CSMD1: variants seen among roughly 807,000 people sequenced by gnomAD.
CSMD1 encodes the protein CUB and sushi domain-containing protein 1.
A neutral mutation model predicts 417.5 loss-of-function variants in CSMD1; 213 were observed. The observed-to-expected ratio is 0.51, with a 90% confidence interval of 0.46 to 0.57. CSMD1 has a LOEUF of 0.57. Among genes scored for constraint, CSMD1 ranks in the 20% least tolerant of loss-of-function variants. The pLI is 0.00. For missense variants in CSMD1, 6,923 were observed against 4,529.7 expected (o/e 1.53, Z -15.17); for synonymous variants, 2,862 against 1,736.8 (o/e 1.65, Z -16.11).
chr8:3,489,551 C>G (rs1818251809), intron 11 of CSMD1, among the ~76,000 whole-genome samples: 3 of 152,160 alleles, frequency 2.0e-5, no homozygotes, highest in Admixed American at 6.5e-5. Context: ...GGAAAGAACT[C>G]AACAGACATT....
intron 2 of CSMD1, among the ~76,000 whole-genome samples, chr8:4,504,888 G>T (rs1414955686): frequency 6.6e-6 from 1 of 152,152 alleles, no homozygotes; most frequent in Non-Finnish European, 1.5e-5. Context: ...GTCATTGATG[G>T]GCATTTGGGT....
intron 26 of CSMD1, among the ~76,000 whole-genome samples, chr8:3,276,057 G>C (rs527636681): frequency 1.4e-4 from 22 of 152,266 alleles, no homozygotes; most frequent in African/African-American, 5.1e-4. Context: ...CATCTTTGTG[G>C]TTTTATCTAC....
chr8:4,578,100 T>C (rs1240245855), intron 2 of CSMD1, among the ~76,000 whole-genome samples: 1 of 152,120 alleles, frequency 6.6e-6, no homozygotes, highest in African/African-American at 2.4e-5. Flanking sequence ...TCAGAGCTGC[T>C]TCTAGCAATT....
At chr8:3,881,714 G>A (rs1391908225) in intron 5 of CSMD1, among the ~76,000 whole-genome samples, 1 of 151,678 alleles carries the variant, frequency 6.6e-6, no homozygotes, top group Admixed American at 6.6e-5. Flanking sequence ...AGCAGAGCTT[G>A]GGGCCTTACA....
chr8:4,028,458 C>A (rs576061441), intron 4 of CSMD1, among the ~76,000 whole-genome samples: 1 of 151,378 alleles, frequency 6.6e-6, no homozygotes. Flanking sequence ...ATTATGAATA[C>A]AATAAACACC....
intron 5 of CSMD1, among the ~76,000 whole-genome samples, chr8:3,932,062 A>C (rs1810189120): frequency 6.6e-6 from 1 of 150,514 alleles, no homozygotes; most frequent in Non-Finnish European, 1.5e-5. Flanking sequence ...AGTAGGATTC[A>C]ATATAAACAT....
chr8:4,307,420 A>G (rs1798308846), intron 3 of CSMD1, among the ~76,000 whole-genome samples: 1 of 152,178 alleles, frequency 6.6e-6, no homozygotes, highest in Admixed American at 6.5e-5. Context: ...CTCGTATCAC[A>G]CCAAGTTGAG....
chr8:4,223,960 T>C (rs558597072), intron 3 of CSMD1, among the ~76,000 whole-genome samples: 4 of 152,280 alleles, frequency 2.6e-5, no homozygotes, highest in South Asian at 2.1e-4. Flanking sequence ...AACATACTAG[T>C]CCAACCACTT....
At chr8:3,463,093 T>C (rs1254195609) in intron 12 of CSMD1, among the ~76,000 whole-genome samples, 1 of 152,230 alleles carries the variant, frequency 6.6e-6, no homozygotes, top group Non-Finnish European at 1.5e-5. Flanking sequence ...CCCAGAACTG[T>C]GAGAGATACA....
At chr8:3,626,176 G>A (rs12674950) in intron 7 of CSMD1, among the ~76,000 whole-genome samples, 57,989 of 151,962 alleles carry the variant, frequency 0.38, 11,332 homozygotes, top group Middle Eastern at 0.49. Context: ...CTATGCCTCC[G>A]GCTGGCTCCC....
chr8:2,996,543 C>G (rs1050582034), intron 54 of CSMD1, among the ~76,000 whole-genome samples: 3 of 152,222 alleles, frequency 2.0e-5, no homozygotes, highest in African/African-American at 7.2e-5. Context: ...CAGCTCTGCT[C>G]CGTATGGAGT....
At chr8:4,101,834 C>CT (rs5889016) in intron 3 of CSMD1, among the ~76,000 whole-genome samples, 151,022 of 152,284 alleles carry the variant, frequency 0.99, 74,897 homozygotes, top group Middle Eastern at 1. Context: ...CTCCGCACAT[C>CT]TCTGAATTGA....
chr8:2,983,988 G>C (rs1805640945), intron 54 of CSMD1, among the ~76,000 whole-genome samples: 1 of 152,156 alleles, frequency 6.6e-6, no homozygotes, highest in Non-Finnish European at 1.5e-5. Context: ...GAAATACACT[G>C]TTACAGTATG....
chr8:3,175,507 G>GCCTGCCTGCCTGCCTT (rs149583717), intron 37 of CSMD1, among the ~76,000 whole-genome samples: 7,374 of 125,736 alleles, frequency 0.059, 271 homozygotes, highest in South Asian at 0.11. Flanking sequence ...CTGCCTGCCT[G>GCCTGCCTGCCTGCCTT]CCTTTTTTCC....
intron 12 of CSMD1, among the ~76,000 whole-genome samples, chr8:3,414,859 T>C (rs1563365352): frequency 6.6e-6 from 1 of 152,176 alleles, no homozygotes; most frequent in East Asian, 1.9e-4. Context: ...CTGTTGATAT[T>C]CTAATTCAGT....
At position 2,974,437 on chromosome 8, in the gene CSMD1, C is replaced by T. The variant is rs191729544; in HGVS notation, c.8740+14G>A. ...AAATCTGTAATTCTGTCAGTTCACTCGTAAGCCCCTCACCTGTGCAGTGGG... is the reference window on the plus strand; with the variant it reads ...AAATCTGTAATTCTGTCAGTTCACTTGTAAGCCCCTCACCTGTGCAGTGGG... On this transcript the variant is annotated intron_variant, in intron 56 of 69. Coordinates refer to ENST00000635120, the MANE Select transcript of CSMD1 (RefSeq NM_033225.6). 4,913 of 1,536,866 alleles carry T rather than the reference C, an allele frequency of 3.2e-3. 14 individuals carry two copies. Among genetic ancestry groups the T allele is most frequent in the Non-Finnish European group, 3.4e-3 (3,831 of 1,137,006 alleles).
intron 50 of CSMD1, among the ~76,000 whole-genome samples, chr8:3,049,905 AT>A (rs1395266013): frequency 6.6e-6 from 1 of 152,054 alleles, no homozygotes; most frequent in African/African-American, 2.4e-5. Flanking sequence ...CTTCCATTCA[AT>A]TTTGCTGTGA....
At chr8:3,994,567 G>A (rs2162264) in intron 5 of CSMD1, among the ~76,000 whole-genome samples, 122,606 of 151,948 alleles carry the variant, frequency 0.81, 49,529 homozygotes, top group East Asian at 0.85. Context: ...GCAACTCTCT[G>A]TTAAAGCAAG....
chr8:4,834,454 C>G (rs185415066), intron 1 of CSMD1, among the ~76,000 whole-genome samples: 2 of 152,154 alleles, frequency 1.3e-5, no homozygotes, highest in East Asian at 3.9e-4. Context: ...GGCACATGCC[C>G]ATGTATTCAC....
Sources: allele counts gnomAD v4.1 joint callset (sites outside exome capture counted in the v4.1 genomes callset), GRCh38; gene constraint gnomAD v4.1.1; transcripts MANE v1.5; gene names NCBI Gene and HGNC (gene_info 2026-07-23, HGNC 2026-07-21).